HCN3: variants seen among roughly 807,000 people sequenced by gnomAD.
The protein encoded by HCN3 is hyperpolarization activated cyclic nucleotide gated potassium channel 3, also known as potassium/sodium hyperpolarization-activated cyclic nucleotide-gated channel 3.
A neutral mutation model predicts 56.8 loss-of-function variants in HCN3; 36 were observed. The ratio of observed to expected loss-of-function variants is 0.63; its 90% confidence interval spans 0.49 to 0.84. The LOEUF (loss-of-function observed/expected upper bound fraction) is 0.84, where lower values mean the gene tolerates loss of function less well. Among genes scored for constraint, HCN3 ranks in the 40% least tolerant of loss-of-function variants. HCN3 has a pLI of 0.00. For synonymous variants in HCN3, 425 were observed against 439.7 expected (o/e 0.97, Z 0.42); for missense variants, 930 against 1,079.3 (o/e 0.86, Z 1.94).
Position 155,285,212 on chromosome 1 carries a change from C to T in HCN3, c.1137C>T (p.Asp379=). 6.2e-7 allele frequency: 1 copy of T among 1,614,262 alleles called. No homozygotes were observed. Among genetic ancestry groups the T allele is most frequent in the South Asian group, 1.1e-5 (1 of 91,090 alleles). Reference sequence around the variant, plus strand: ...TGTCCTTCCACAAGCTGCCAGCAGACACGCGGCAGCGCATCCACGAGTACT... The same window carrying T: ...TGTCCTTCCACAAGCTGCCAGCAGATACGCGGCAGCGCATCCACGAGTACT... The part of the protein sequence containing the change: ...QYMSFHKLPA[D]TRQRIHEYYE... The change falls in exon 5 of 8, where the codon GAC becomes GAT. Residue 379 remains aspartate, a synonymous_variant. Coordinates refer to ENST00000368358, the MANE Select transcript of HCN3 (RefSeq NM_020897.3). The surrounding 1 kb of genome is among the most constrained non-coding windows in gnomAD (Gnocchi z 4.5).
Position 155,284,216 on chromosome 1 carries a change from C to T in HCN3, c.870+81C>T. On this transcript the variant is annotated intron_variant, in intron 3 of 7. Coordinates refer to ENST00000368358, the MANE Select transcript of HCN3 (RefSeq NM_020897.3). This position sits in a 1 kb window ranked among gnomAD's most constrained non-coding sequence, Gnocchi z 4.3. ...GAGTAGCAGGGATGGCCACAGGGAG[C>T]AGGAGGTGGGAGATGATCACAACAG... 1.3e-6 allele frequency: 2 copies of T among 1,508,512 alleles called. No individual in the cohort carries two copies. The highest frequency in any genetic ancestry group is 1.8e-6 in the Non-Finnish European group (2 of 1,100,198). 93.4% of individuals were successfully genotyped at this position (1,508,512 alleles called of 1,614,324 possible). A position where few individuals can be genotyped will look rare whatever the true frequency, so the allele number is the denominator to read the frequency against.
rs1674092456 is a variant in HCN3, at chr1:155,282,390, C to T, written c.279-21C>T. ...GTGAAATATCCTCATGGTCTTACTC[C>T]TCATCTCACTCCCACCTTAGGTTTT... On this transcript the variant is annotated intron_variant, in intron 1 of 7. Transcript: ENST00000368358. This position sits in a 1 kb window ranked among gnomAD's most constrained non-coding sequence, Gnocchi z 4.7. 1 of 1,611,662 alleles carries T rather than the reference C, an allele frequency of 6.2e-7. No homozygotes were observed.
chr1:155,288,484 C>G lies in HCN3; in HGVS notation c.*21C>G. ...TGTAAAACCTTTGAGTACATCCAGC[C>G]TTAGTTCTTGGGGTGCAGTAGTATG... On this transcript the variant is annotated 3_prime_UTR_variant, in exon 8 of 8. Coordinates refer to ENST00000368358, the MANE Select transcript of HCN3 (RefSeq NM_020897.3). This position sits in a 1 kb window ranked among gnomAD's most constrained non-coding sequence, Gnocchi z 6.5. 1 of 1,562,502 alleles carries G rather than the reference C, an allele frequency of 6.4e-7. No individual in the cohort carries two copies. Among genetic ancestry groups the G allele is most frequent in the East Asian group, 2.2e-5 (1 of 44,558 alleles).
At chr1:155,287,683 C>A in intron 7 of HCN3, 98 bp from the exon 8 acceptor site, 8 of 1,458,224 alleles carry the variant, frequency 5.5e-6, no homozygotes, top group Non-Finnish European at 7.4e-6. Context: ...CTACCCTCAA[C>A]CCCACCCCAT....
Position 155,287,298 on chromosome 1 carries a change from G to A in HCN3, c.1603G>A (p.Ala535Thr), listed in dbSNP as rs1371825951. Reference protein sequence around the residue: ...VLEEFPMMRRAFETVAMDRLL... With the variant: ...VLEEFPMMRRTFETVAMDRLL... ...TGAGGAGTTCCCCATGATGCGCCGGGCCTTTGAGACTGTGGCCATGGATCG... is the reference window on the plus strand; with the variant it reads ...TGAGGAGTTCCCCATGATGCGCCGGACCTTTGAGACTGTGGCCATGGATCG... Residue 535 changes from alanine to threonine, a missense_variant, in exon 7 of 8, where the codon GCC becomes ACC. By Grantham distance (58) the Ala-to-Thr change is moderately conservative. Coordinates refer to ENST00000368358, the MANE Select transcript of HCN3 (RefSeq NM_020897.3). 6.2e-7 allele frequency: 1 copy of A among 1,613,982 alleles called. No individual in the cohort carries two copies. Among genetic ancestry groups the A allele is most frequent in the African/African-American group, 1.3e-5 (1 of 74,984 alleles).
Position 155,288,366 on chromosome 1 carries a change from G to C in HCN3, c.2228G>C (p.Gly743Ala). 1.2e-6 allele frequency: 2 copies of C among 1,613,842 alleles called. No individual in the cohort carries two copies. The highest frequency in any genetic ancestry group is 1.7e-6 in the Non-Finnish European group (2 of 1,180,012). The change falls in exon 8 of 8, where the codon GGG becomes GCG. Residue 743 changes from glycine (G) to alanine (A), a missense_variant. Transcript: ENST00000368358. This position sits in a 1 kb window ranked among gnomAD's most constrained non-coding sequence, Gnocchi z 6.5. ...GSGSERLPPSGLLAKPPRTAQ... is the reference protein window; with the variant it reads ...GSGSERLPPSALLAKPPRTAQ... ...GGAAGTGAGCGGCTGCCTCCCTCAG[G>C]GCTCCTGGCCAAACCTCCAAGGACA...
At position 155,285,339 on chromosome 1, in the gene HCN3, G is replaced by T; in HGVS notation, c.1236+28G>T. The T allele has an allele frequency of 6.2e-7, 1 of 1,611,564 alleles. No homozygotes were observed. Among genetic ancestry groups the T allele is most frequent in the Non-Finnish European group, 8.5e-7 (1 of 1,178,452 alleles). ...GGGGCTGGGTTGGGCCTGGAAGGGG[G>T]GCTCTTCAGGGACCTGGAGTGCTGT... On this transcript the variant is annotated intron_variant, in intron 5 of 7. Transcript: ENST00000368358. This position sits in a 1 kb window ranked among gnomAD's most constrained non-coding sequence, Gnocchi z 4.5.
rs910216727 is a variant in HCN3, at chr1:155,282,989, C to A, written c.708+149C>A. On this transcript the variant is annotated intron_variant, in intron 2 of 7. Coordinates refer to ENST00000368358, the MANE Select transcript of HCN3 (RefSeq NM_020897.3). The surrounding 1 kb of genome is among the most constrained non-coding windows in gnomAD (Gnocchi z 4.7). ...GGGGAAGATGGGTGGGGCTTCCGTG[C>A]GTGAGCTCTCTCCAAAACTGGTGGG... 1.3e-5 allele frequency: 10 copies of A among 788,738 alleles called. No individual in the cohort carries two copies. The highest frequency in any genetic ancestry group is 1.8e-5 in the South Asian group (1 of 55,474). The allele number at this position is 788,738 out of a possible 1,614,324, so 48.9% of individuals were successfully genotyped here.
Position 155,284,103 on chromosome 1 carries a change from C to G in HCN3, c.838C>G (p.Pro280Ala), listed in dbSNP as rs1381788173. The G allele has an allele frequency of 4.3e-6, 7 of 1,614,044 alleles. No individual in the cohort carries two copies. Among genetic ancestry groups the G allele is most frequent in the South Asian group, 1.1e-5 (1 of 91,086 alleles). ...FLVPMLQDFP[P>A]DCWVSINHMV... ...GGTGCCCATGCTGCAGGACTTCCCT[C>G]CCGACTGCTGGGTCTCCATCAACCA... Residue 280 changes from proline (P) to alanine (A), a missense_variant, in exon 3 of 8, where the codon CCC becomes GCC. Coordinates refer to ENST00000368358, the MANE Select transcript of HCN3 (RefSeq NM_020897.3). This position sits in a 1 kb window ranked among gnomAD's most constrained non-coding sequence, Gnocchi z 4.3.
rs756971954 is a variant in HCN3, at chr1:155,287,811, G to C, written c.1673G>C (p.Arg558Pro). 1.2e-6 allele frequency: 2 copies of C among 1,601,528 alleles called. No homozygotes were observed. The highest frequency in any genetic ancestry group is 1.7e-5 in the Admixed American group (1 of 59,120). Residue 558 changes from arginine (R) to proline (P), a missense_variant, in exon 8 of 8, where the codon CGC (arginine) becomes CCC (proline). Physicochemically the swap from Arg to Pro is moderately radical, Grantham distance 103 (BLOSUM62 -2). Transcript: ENST00000368358. ...AAGAATTCCATACTGCAGCGGAAGC[G>C]CTCCGAGCCAAGTCCAGGCAGCAGT... ...GKKNSILQRK[R>P]SEPSPGSSGG...
In HCN3 at chr1:155,287,306, G is replaced by C. The variant is rs1472547334; in HGVS notation, c.1611G>C (p.Glu537Asp). 6.2e-7 allele frequency: 1 copy of C among 1,614,024 alleles called. No homozygotes were observed. Among genetic ancestry groups the C allele is most frequent in the Non-Finnish European group, 8.5e-7 (1 of 1,179,938 alleles). ...TCCCCATGATGCGCCGGGCCTTTGA[G>C]ACTGTGGCCATGGATCGGCTGCTCC... Reference protein sequence around the residue: ...EEFPMMRRAFETVAMDRLLRI... With the variant: ...EEFPMMRRAFDTVAMDRLLRI... Residue 537 changes from glutamate to aspartate, a missense_variant, in exon 7 of 8, where the codon GAG becomes GAC. Coordinates refer to ENST00000368358, the MANE Select transcript of HCN3 (RefSeq NM_020897.3).
rs140286136 is a variant in HCN3, at chr1:155,280,328, G to A, written c.279-2083G>A. On this transcript the variant is annotated intron_variant, in intron 1 of 7. Coordinates refer to ENST00000368358, the MANE Select transcript of HCN3 (RefSeq NM_020897.3). Reference sequence around the variant, plus strand: ...CGCCCAGGCTAGAGGGCAGTGGAGCGGTTTCAGCTCACGGCAACCTTCACT... The same window carrying A: ...CGCCCAGGCTAGAGGGCAGTGGAGCAGTTTCAGCTCACGGCAACCTTCACT... Among the ~76,000 whole-genome samples, 502 of 151,822 alleles carry A rather than the reference G, an allele frequency of 3.3e-3. 1 individual carries two copies. The highest frequency in any genetic ancestry group is 5.8e-3 in the Admixed American group (89 of 15,244).
chr1:155,284,873 C>A lies in HCN3; in HGVS notation c.1089+116C>A. 2.0e-6 allele frequency: 2 copies of A among 1,008,548 alleles called. No homozygotes were observed. Among genetic ancestry groups the A allele is most frequent in the South Asian group, 1.6e-5 (1 of 62,728 alleles). 62.5% of individuals were successfully genotyped at this position (1,008,548 alleles called of 1,614,324 possible). A position where few individuals can be genotyped will look rare whatever the true frequency, so the allele number is the denominator to read the frequency against. On this transcript the variant is annotated intron_variant, in intron 4 of 7. Transcript: ENST00000368358. This position sits in a 1 kb window ranked among gnomAD's most constrained non-coding sequence, Gnocchi z 4.3. ...TTGCGTCTCTGTTTCCTTTCCTGCC[C>A]TGTGTCCATTTGTTCCCTGCCCCTG...
At position 155,287,332 on chromosome 1, in the gene HCN3, G is replaced by T. The variant is rs745834184; in HGVS notation, c.1637G>T (p.Arg546Leu). The T allele has an allele frequency of 6.2e-7, 1 of 1,613,802 alleles. No individual in the cohort carries two copies. The change falls in exon 7 of 8, where the codon CGC (arginine) becomes CTC (leucine). Residue 546 changes from arginine to leucine, a missense_variant. By Grantham distance (102) the Arg-to-Leu change is moderately radical. Coordinates refer to ENST00000368358, the MANE Select transcript of HCN3 (RefSeq NM_020897.3). The part of the protein sequence containing the change: ...FETVAMDRLL[R>L]IGKKNSILQR... ...ACTGTGGCCATGGATCGGCTGCTCC[G>T]CATCGGTGAGACCTGTCCACCCCAT...
At chr1:155,281,437 C>G (rs953374578) in intron 1 of HCN3, among the ~76,000 whole-genome samples, 5 of 151,638 alleles carry the variant, frequency 3.3e-5, no homozygotes, top group African/African-American at 1.2e-4. Context: ...GGTGCGATCT[C>G]GGCTCACTGC....
In HCN3 at chr1:155,282,626, G is replaced by T. The variant is rs773805653; in HGVS notation, c.494G>T (p.Arg165Leu). ...ATCCTGCTGGCACCGCGGGCCATCCGCACGCGCTACCTGCGCACCTGGTTC... is the reference window on the plus strand; with the variant it reads ...ATCCTGCTGGCACCGCGGGCCATCCTCACGCGCTACCTGCGCACCTGGTTC... ...AEILLAPRAI[R>L]TRYLRTWFLV... Residue 165 changes from arginine to leucine, a missense_variant, in exon 2 of 8, where the codon CGC becomes CTC. Coordinates refer to ENST00000368358, the MANE Select transcript of HCN3 (RefSeq NM_020897.3). This position sits in a 1 kb window ranked among gnomAD's most constrained non-coding sequence, Gnocchi z 4.7. 1 of 1,614,248 alleles carries T rather than the reference G, an allele frequency of 6.2e-7. No individual in the cohort carries two copies. Among genetic ancestry groups the T allele is most frequent in the Non-Finnish European group, 8.5e-7 (1 of 1,180,044 alleles).
chr1:155,278,757 C>T (rs1673909446), intron 1 of HCN3, among the ~76,000 whole-genome samples: 1 of 152,212 alleles, frequency 6.6e-6, no homozygotes, highest in Admixed American at 6.5e-5. Flanking sequence ...CTATGTCTCT[C>T]TTCCTCCCAT....
intron 1 of HCN3, among the ~76,000 whole-genome samples, chr1:155,279,732 T>C (rs1481737590): frequency 1.3e-5 from 2 of 151,732 alleles, no homozygotes; most frequent in African/African-American, 2.4e-5. Flanking sequence ...GGATAAAGAG[T>C]GAGTGAGTCA....
At position 155,277,685 on chromosome 1, in the gene HCN3, C is replaced by T. The variant is rs576676568; in HGVS notation, c.95C>T (p.Ala32Val). The T allele has an allele frequency of 2.6e-6, 4 of 1,562,818 alleles. No individual in the cohort carries two copies. In the South Asian group the frequency reaches 3.5e-5, roughly 14 times the overall value. The change falls in exon 1 of 8, where the codon GCG becomes GTG. Residue 32 changes from alanine to valine, a missense_variant. Coordinates refer to ENST00000368358, the MANE Select transcript of HCN3 (RefSeq NM_020897.3). ...CCCGTTGCTCCCCCGCCTGCGACCG[C>T]GGCCTCAGGTCCGATCCCCAAATCT... ...VPPVAPPPAT[A>V]ASGPIPKSGP...
Sources: gnomAD v4.1 joint callset for allele counts (sites outside exome capture counted in the v4.1 genomes callset) on GRCh38, gnomAD v4.1.1 for gene constraint, Gnocchi (gnomAD v3.1) non-coding constraint, MANE v1.5 for transcripts, NCBI Gene and HGNC (gene_info 2026-07-23, HGNC 2026-07-21) for gene names.